The following SIPA1L3 variants were observed in gnomAD, a reference collection of about 807,000 sequenced individuals.
The protein encoded by SIPA1L3 is signal-induced proliferation-associated 1-like protein 3.
In SIPA1L3, 59 loss-of-function variants were observed where a neutral mutation model predicts 150.1. That is an observed-to-expected ratio of 0.39 (90% CI 0.32 to 0.49). SIPA1L3 has a LOEUF of 0.49. Ranked by LOEUF, SIPA1L3 falls within the 20% of genes least tolerant of loss-of-function variation. The pLI, the probability that SIPA1L3 is intolerant of heterozygous loss-of-function variation, is 0.86. For synonymous variants in SIPA1L3, 1,070 were observed against 1,077.6 expected, an observed-to-expected ratio of 0.99 and a Z score of 0.14; for missense variants, 2,211 against 2,489.5, an observed-to-expected ratio of 0.89 and a Z score of 2.38.
rs1356678748 is a variant in SIPA1L3 at position 38,206,141 on chromosome 19, G to A, written c.5247G>A (p.Leu1749=). 1.0e-5 allele frequency: 16 copies of A among 1,551,078 alleles called. No individual in the cohort carries two copies. Among genetic ancestry groups the A allele is most frequent in the Non-Finnish European group, 1.4e-5 (16 of 1,146,832 alleles). Residue 1749 remains leucine, a synonymous_variant, in exon 22 of 22, where the codon CTG becomes CTA. Coordinates refer to ENST00000222345, the MANE Select transcript of SIPA1L3 (RefSeq NM_015073.3). The part of the protein sequence containing the change: ...KVVLQSEVAS[L]RQNNQRLQEE... ...TGCTCCAGTCAGAGGTGGCCAGCCT[G>A]CGGCAGAACAACCAGCGGCTGCAGG...
intron 15 of SIPA1L3, among the ~76,000 whole-genome samples, chr19:38,170,509 T>A (rs1972305376): frequency 6.6e-6 from 1 of 152,152 alleles, no homozygotes; most frequent in African/African-American, 2.4e-5. Flanking sequence ...GCATGAGCAC[T>A]CATTGACTGC....
chr19:38,112,096 C>CATA (rs1970773799), intron 8 of SIPA1L3, among the ~76,000 whole-genome samples: 6 of 115,594 alleles, frequency 5.2e-5, no homozygotes, highest in East Asian at 2.3e-4. Context: ...CATGCACACA[C>CATA]CTACATGCAC....
At chr19:38,109,983 C>T in intron 7 of SIPA1L3, 1 of 466,648 alleles carries the variant, frequency 2.1e-6, no homozygotes, top group South Asian at 3.2e-5. Flanking sequence ...ATGTTCCTAG[C>T]AGAGGGAACA....
chr19:38,167,504 C>T lies in SIPA1L3; in HGVS notation c.4208+2598C>T, dbSNP rs150857848. On this transcript the variant is annotated intron_variant, in intron 15 of 21. Coordinates refer to ENST00000222345, the MANE Select transcript of SIPA1L3 (RefSeq NM_015073.3). ...AAGGGCTGAAGGAGGAAAGAGGAGA[C>T]AGACAGAGAGAGACACTGTCTGAGT... is the stretch of plus-strand genomic sequence containing the variant. Among the ~76,000 whole-genome samples, 152 of 152,288 alleles carry T rather than the reference C, an allele frequency of 1.0e-3. 1 individual carries two copies. Among genetic ancestry groups the T allele is most frequent in the African/African-American group, 3.4e-3 (141 of 41,570 alleles).
At position 38,207,448 on chromosome 19, in the gene SIPA1L3, A is replaced by T. The variant is rs1600217984; in HGVS notation, c.*1208A>T. Reference sequence around the variant, plus strand: ...AAGATATATATATATATATATATATATTTATTTTTTCATGTAGAGTTGGCG... The same window carrying T: ...AAGATATATATATATATATATATATTTTTATTTTTTCATGTAGAGTTGGCG... On this transcript the variant is annotated 3_prime_UTR_variant, in exon 22 of 22. Coordinates refer to ENST00000222345, the MANE Select transcript of SIPA1L3 (RefSeq NM_015073.3). 1 of 146,520 alleles carries T rather than the reference A, an allele frequency of 6.8e-6. No homozygotes were observed. Among genetic ancestry groups the T allele is most frequent in the Non-Finnish European group, 1.5e-5 (1 of 66,812 alleles). The allele number at this position is 146,520 out of a possible 1,614,324, so 9.1% of individuals were successfully genotyped here.
intron 1 of SIPA1L3, among the ~76,000 whole-genome samples, chr19:37,967,211 T>C (rs1481600502): frequency 1.3e-5 from 2 of 151,824 alleles, no homozygotes; most frequent in Admixed American, 1.3e-4. Flanking sequence ...CTCATCTTCA[T>C]GTGGCATTCT....
intron 1 of SIPA1L3, among the ~76,000 whole-genome samples, chr19:38,017,906 TATC>T (rs1191847300): frequency 6.6e-6 from 1 of 151,982 alleles, no homozygotes; most frequent in African/African-American, 2.4e-5. Context: ...AATCAGAACA[TATC>T]ATTCCCCTGC....
chr19:38,153,899 A>G (rs1056545937), intron 13 of SIPA1L3, among the ~76,000 whole-genome samples: 7 of 152,038 alleles, frequency 4.6e-5, no homozygotes, highest in African/African-American at 1.7e-4. Flanking sequence ...GAGTCACTGC[A>G]CTCCAGCCTG....
At chr19:38,111,630 C>T (rs921618798) in intron 8 of SIPA1L3, among the ~76,000 whole-genome samples, 2 of 152,208 alleles carry the variant, frequency 1.3e-5, no homozygotes, top group African/African-American at 4.8e-5. Context: ...AAGGGAGGGG[C>T]ATCCCAGCCT....
intron 1 of SIPA1L3, among the ~76,000 whole-genome samples, chr19:37,961,561 C>T (rs948518286): frequency 1.3e-5 from 2 of 152,142 alleles, no homozygotes; most frequent in East Asian, 1.9e-4. Context: ...CAAAACAACA[C>T]GAAAACCAAT....
At chr19:38,155,462 C>T (rs1165604520) in intron 13 of SIPA1L3, among the ~76,000 whole-genome samples, 1 of 152,156 alleles carries the variant, frequency 6.6e-6, no homozygotes, top group African/African-American at 2.4e-5. Flanking sequence ...TGTGTCTTCC[C>T]CATTATTAAT....
intron 8 of SIPA1L3, among the ~76,000 whole-genome samples, chr19:38,117,203 G>C (rs1250429938): frequency 8.5e-5 from 13 of 152,204 alleles, no homozygotes; most frequent in Admixed American, 8.5e-4. Flanking sequence ...GGAGTGTAGG[G>C]AGGAAAAGGG....
At chr19:38,108,969 A>G (rs1970680739) in intron 7 of SIPA1L3, among the ~76,000 whole-genome samples, 2 of 152,194 alleles carry the variant, frequency 1.3e-5, no homozygotes, top group South Asian at 4.1e-4. Context: ...AGCCTGGGCA[A>G]CAAGAGTGAA....
At chr19:38,198,571 C>T (rs1332866092) in intron 19 of SIPA1L3, 39 bp downstream of exon 19, 18 of 1,458,462 alleles carry the variant, frequency 1.2e-5, no homozygotes, top group African/African-American at 5.8e-5. Context: ...GCCCCCACCC[C>T]GTCCTCTGTT....
intron 2 of SIPA1L3, among the ~76,000 whole-genome samples, chr19:38,032,470 C>T (rs185963379): frequency 2.0e-5 from 3 of 152,200 alleles, no homozygotes; most frequent in Admixed American, 2.0e-4. Flanking sequence ...ACTAGGGATT[C>T]AGGAATGAAA....
intron 2 of SIPA1L3, among the ~76,000 whole-genome samples, chr19:38,043,669 C>T (rs1968979897): frequency 6.6e-6 from 1 of 152,190 alleles, no homozygotes; most frequent in Non-Finnish European, 1.5e-5. Context: ...TAACCATTTA[C>T]TGTTGCTACT....
intron 20 of SIPA1L3, among the ~76,000 whole-genome samples, chr19:38,203,502 A>T (rs538285539): frequency 6.6e-6 from 1 of 152,268 alleles, no homozygotes; most frequent in South Asian, 2.1e-4. Flanking sequence ...GGCTGGGAGG[A>T]TCTGCAGAGG....
At chr19:37,950,002 G>A (rs951312178) in intron 1 of SIPA1L3, among the ~76,000 whole-genome samples, 2 of 151,266 alleles carry the variant, frequency 1.3e-5, no homozygotes, top group African/African-American at 4.9e-5. Flanking sequence ...GCTTGAACCC[G>A]GGAGGCAGAG....
chr19:38,007,764 T>C (rs964827308), intron 1 of SIPA1L3, among the ~76,000 whole-genome samples: 6 of 152,152 alleles, frequency 3.9e-5, no homozygotes, highest in African/African-American at 1.4e-4. Context: ...TGTGTGCATG[T>C]GTGTGCATGT....
Sources: allele counts gnomAD v4.1 joint callset (sites outside exome capture counted in the v4.1 genomes callset), GRCh38; gene constraint gnomAD v4.1.1; transcripts MANE v1.5; gene names NCBI Gene and HGNC (gene_info 2026-07-23, HGNC 2026-07-21).